Variants in BLTP3A observed in about 807,000 individuals in gnomAD.
The protein encoded by BLTP3A is ICBP90 binding protein 1.
chr6:34,807,838 G>T, the BLTP3A span, among the ~76,000 whole-genome samples: 1 of 152,044 alleles, frequency 6.6e-6, no homozygotes, highest in Non-Finnish European at 1.5e-5. Flanking sequence ...TCAGGAGTTC[G>T]AGATCAGCCT....
At chr6:34,864,324 A>C in the BLTP3A span, 1 of 1,018,300 alleles carries the variant, frequency 9.8e-7, no homozygotes, top group Admixed American at 2.7e-5. Context: ...CTTAATCAAG[A>C]CAAAAAAAGA....
At chr6:34,871,759 A>G in the BLTP3A span, 2 of 1,611,498 alleles carry the variant, frequency 1.2e-6, no homozygotes, top group African/African-American at 2.7e-5. Context: ...GGTGACACCT[A>G]GGAACTGTTT....
the BLTP3A span, among the ~76,000 whole-genome samples, chr6:34,813,515 A>G: frequency 6.6e-6 from 1 of 152,154 alleles, no homozygotes; most frequent in African/African-American, 2.4e-5. Flanking sequence ...TGTTTTTCCA[A>G]CCTGATTTCA....
the BLTP3A span, among the ~76,000 whole-genome samples, chr6:34,851,354 G>A: frequency 6.6e-6 from 1 of 152,198 alleles, no homozygotes; most frequent in Non-Finnish European, 1.5e-5. Flanking sequence ...AGCTGTATCT[G>A]CATCAAGGGA....
At chr6:34,826,026 A>ATTCTTT in the BLTP3A span, among the ~76,000 whole-genome samples, 29 of 76,634 alleles carry the variant, frequency 3.8e-4, 4 homozygotes, top group African/African-American at 8.1e-4. Flanking sequence ...TACATTTTGC[A>ATTCTTT]TTTTTTTTTT....
the BLTP3A span, chr6:34,871,173 CTT>C: frequency 6.4e-6 from 10 of 1,553,588 alleles, no homozygotes; most frequent in Non-Finnish European, 7.8e-6. Context: ...TTGCCCTGGA[CTT>C]TGTCAAGCAA....
At chr6:34,867,521 G>A in the BLTP3A span, 5 of 1,614,182 alleles carry the variant, frequency 3.1e-6, no homozygotes, top group Middle Eastern at 1.7e-4. Flanking sequence ...GAGGTACGTG[G>A]TGAGGACCTG....
chr6:34,811,674 A>AGCCC, the BLTP3A span, among the ~76,000 whole-genome samples: 1 of 75,604 alleles, frequency 1.3e-5, no homozygotes, highest in Non-Finnish European at 2.4e-5. Flanking sequence ...ACATGGTGAG[A>AGCCC]CCCCCCCCCC....
At chr6:34,817,995 A>T in the BLTP3A span, among the ~76,000 whole-genome samples, 2 of 151,844 alleles carry the variant, frequency 1.3e-5, no homozygotes, top group Non-Finnish European at 2.9e-5. Context: ...CTGGGACTAC[A>T]GTCATGCGCC....
At chr6:34,794,506 T>C in the BLTP3A span, among the ~76,000 whole-genome samples, 1 of 152,252 alleles carries the variant, frequency 6.6e-6, no homozygotes, top group East Asian at 1.9e-4. Context: ...GAAAAATTCA[T>C]ATACGCAAAC....
the BLTP3A span, among the ~76,000 whole-genome samples, chr6:34,829,397 G>T: frequency 6.6e-6 from 1 of 152,114 alleles, no homozygotes; most frequent in Non-Finnish European, 1.5e-5. Context: ...TCAAGGTTCA[G>T]GCATGTTCAG....
chr6:34,830,087 A>G, the BLTP3A span, among the ~76,000 whole-genome samples: 1 of 151,878 alleles, frequency 6.6e-6, no homozygotes, highest in African/African-American at 2.4e-5. Flanking sequence ...TGATGGGATT[A>G]CAGGTGTGAG....
At chr6:34,864,475 A>G in the BLTP3A span, among the ~76,000 whole-genome samples, 24 of 150,894 alleles carry the variant, frequency 1.6e-4, no homozygotes, top group Non-Finnish European at 3.4e-4. Context: ...TAGCTAAGTC[A>G]GGATTAGTTT....
the BLTP3A span, chr6:34,823,201 A>G: frequency 2.8e-6 from 4 of 1,421,348 alleles, no homozygotes; most frequent in Non-Finnish European, 4.0e-6. Context: ...CTGTGCTGTC[A>G]TTGTGCTGTG....
the BLTP3A span, among the ~76,000 whole-genome samples, chr6:34,868,311 A>AT: frequency 1.1e-4 from 16 of 149,352 alleles, no homozygotes; most frequent in African/African-American, 4.0e-4. Context: ...TGTCTCAAAA[A>AT]ATATATATAT....
the BLTP3A span, among the ~76,000 whole-genome samples, chr6:34,851,346 C>A: frequency 6.6e-6 from 1 of 152,154 alleles, no homozygotes; most frequent in African/African-American, 2.4e-5. Flanking sequence ...GCCACTGCAG[C>A]TGTATCTGCA....
the BLTP3A span, among the ~76,000 whole-genome samples, chr6:34,829,027 CAAAAAAAA>C: frequency 2.4e-4 from 12 of 50,726 alleles, no homozygotes; most frequent in East Asian, 8.3e-4. Flanking sequence ...AACTCCATCT[CAAAAAAAA>C]AAAAAAAAAA....
At chr6:34,836,080 G>A in the BLTP3A span, 1 of 1,528,802 alleles carries the variant, frequency 6.5e-7, no homozygotes. Flanking sequence ...CTTCAGGCTG[G>A]ACCAAAGCTT....
At chr6:34,798,296 T>C in the BLTP3A span, among the ~76,000 whole-genome samples, 1 of 152,344 alleles carries the variant, frequency 6.6e-6, no homozygotes, top group Non-Finnish European at 1.5e-5. Flanking sequence ...ATTTTACTGT[T>C]GATGGACTTC....
Sources: allele counts gnomAD v4.1 joint callset (sites outside exome capture counted in the v4.1 genomes callset), GRCh38; gene constraint gnomAD v4.1.1; transcripts MANE v1.5; gene names NCBI Gene and HGNC (gene_info 2026-07-23, HGNC 2026-07-21).